TMEM72: variants seen among roughly 807,000 people sequenced by gnomAD.
The protein encoded by TMEM72 is kidney-specific secretory protein of 37 kDa.
In TMEM72, 9 loss-of-function variants were observed where a neutral mutation model predicts 16.3. The observed-to-expected ratio is 0.55, with a 90% CI of 0.33 to 0.96. TMEM72 has a LOEUF of 0.96. Ranked by LOEUF, TMEM72 falls within the 40% of genes least tolerant of loss-of-function variation. The probability of loss-of-function intolerance (pLI) is 0.03; values close to 1 mark genes in which losing one functional copy is unlikely to be tolerated. For synonymous variants in TMEM72, 160 were observed against 146.5 expected (o/e 1.09, Z -0.66); for missense variants, 324 against 337.8 (o/e 0.96, Z 0.32).
intron 1 of TMEM72, among the ~76,000 whole-genome samples, chr10:44,911,980 C>G (rs1030817209): frequency 9.2e-5 from 14 of 152,216 alleles, no homozygotes; most frequent in African/African-American, 3.1e-4. Context: ...CTGAGCTCAT[C>G]CTGCTTTACT....
intron 1 of TMEM72, among the ~76,000 whole-genome samples, chr10:44,917,384 A>T (rs1840028627): frequency 6.6e-6 from 1 of 152,178 alleles, no homozygotes; most frequent in South Asian, 2.1e-4. Context: ...CGAGGAAAGG[A>T]GCAAAGCAGT....
chr10:44,934,077 G>A (rs904120686), intron 4 of TMEM72, among the ~76,000 whole-genome samples: 2 of 152,176 alleles, frequency 1.3e-5, no homozygotes, highest in African/African-American at 4.8e-5. Context: ...AGCTTCCCAA[G>A]GGTGTGACAT....
At chr10:44,927,186 C>T (rs888884461) in intron 1 of TMEM72, among the ~76,000 whole-genome samples, 1 of 152,154 alleles carries the variant, frequency 6.6e-6, no homozygotes, top group Non-Finnish European at 1.5e-5. Flanking sequence ...ACTGCCCCTG[C>T]AATGTTTCTA....
intron 1 of TMEM72, among the ~76,000 whole-genome samples, chr10:44,911,784 G>T (rs1274799070): frequency 1.3e-5 from 2 of 152,200 alleles, no homozygotes; most frequent in East Asian, 3.9e-4. Context: ...GGACCAGAGG[G>T]CTGGGTGCTG....
Position 44,935,118 on chromosome 10 carries a change from C to G in TMEM72, c.812C>G (p.Ala271Gly). 6.3e-7 allele frequency: 1 copy of G among 1,599,242 alleles called. No homozygotes were observed. Among genetic ancestry groups the G allele is most frequent in the Non-Finnish European group, 8.5e-7 (1 of 1,172,578 alleles). The change falls in exon 5 of 5, where the codon GCC (alanine) becomes GGC (glycine). Residue 271 changes from alanine (A) to glycine (G), a missense_variant. Physicochemically the swap from Ala to Gly is moderately conservative, Grantham distance 60. Coordinates refer to ENST00000389583, the MANE Select transcript of TMEM72 (RefSeq NM_001123376.3). Reference sequence around the variant, plus strand: ...CCACTCTTCCTGTCATCTCTTACAGCCACCGGCCTGTTCTGAGCGCTTGCT... The same window carrying G: ...CCACTCTTCCTGTCATCTCTTACAGGCACCGGCCTGTTCTGAGCGCTTGCT... ...QAPLFLSSLT[A>G]TGLF is the part of the protein sequence containing the mutation.
intron 3 of TMEM72, 92 bp from the exon 4 acceptor site, chr10:44,933,545 C>A: frequency 6.6e-7 from 1 of 1,511,116 alleles, no homozygotes; most frequent in Non-Finnish European, 8.9e-7. Flanking sequence ...CAGAGCATGC[C>A]CACAGCAGGG....
intron 1 of TMEM72, among the ~76,000 whole-genome samples, chr10:44,918,617 T>G (rs1196121195): frequency 6.6e-6 from 1 of 152,208 alleles, no homozygotes; most frequent in Non-Finnish European, 1.5e-5. Flanking sequence ...GAATGATATA[T>G]CATAATCAAG....
chr10:44,911,497 C>T lies in TMEM72; in HGVS notation c.-16C>T, dbSNP rs1255728534. The stretch of plus-strand genomic sequence containing the variant: ...GCTGCCTGCCCTGCCAGGACTTTGT[C>T]CTCACCCCTGGCACCATGCAGCTCC... On this transcript the variant is annotated 5_prime_UTR_variant, in exon 1 of 5. Transcript: ENST00000389583. 3 of 1,550,090 alleles carry T rather than the reference C, an allele frequency of 1.9e-6. No homozygotes were observed. Among genetic ancestry groups the T allele is most frequent in the East Asian group, 4.9e-5 (2 of 40,946 alleles).
Position 44,927,960 on chromosome 10 carries a change from A to G in TMEM72, c.110A>G (p.Gln37Arg). The G allele has an allele frequency of 6.2e-7, 1 of 1,613,902 alleles. No homozygotes were observed. The highest frequency in any genetic ancestry group is 2.2e-5 in the East Asian group (1 of 44,876). Residue 37 changes from glutamine (Q) to arginine (R), a missense_variant, in exon 2 of 5, where the codon CAG becomes CGG. Gln to Arg is a conservative substitution (Grantham distance 43, BLOSUM62 1). Transcript: ENST00000389583. ...GVGTETFLQGQFKSLAFYLLF... is the reference protein window; with the variant it reads ...GVGTETFLQGRFKSLAFYLLF... ...GGCACTGAGACCTTCCTCCAGGGCC[A>G]GTTCAAAAGCCTGGCTTTCTATCTG...
Position 44,935,244 on chromosome 10 carries a change from C to A in TMEM72, c.*110C>A. 6.3e-6 allele frequency: 7 copies of A among 1,113,778 alleles called. No individual in the cohort carries two copies. The highest frequency in any genetic ancestry group is 2.9e-5 in the Admixed American group (1 of 34,568). The allele number at this position is 1,113,778 out of a possible 1,614,324, so 69.0% of individuals were successfully genotyped here. On this transcript the variant is annotated 3_prime_UTR_variant, in exon 5 of 5. Transcript: ENST00000389583. ...CAGCTTTTCAAGGGGTAACCAGACA[C>A]CCCCACACTGGCTGGGCCCCTGAGG...
chr10:44,932,155 G>T, intron 3 of TMEM72, 86 bp downstream of exon 3: 2 of 1,466,620 alleles, frequency 1.4e-6, no homozygotes, highest in Non-Finnish European at 9.3e-7. Context: ...CACAACCAGG[G>T]GATGTCCTGC....
At chr10:44,914,584 C>T (rs1056430417) in intron 1 of TMEM72, among the ~76,000 whole-genome samples, 2 of 152,294 alleles carry the variant, frequency 1.3e-5, no homozygotes, top group South Asian at 4.1e-4. Context: ...GTGCGGATGC[C>T]GGAGCTCCTG....
At chr10:44,928,287 A>G (rs1189018426) in intron 2 of TMEM72, among the ~76,000 whole-genome samples, 9 of 146,640 alleles carry the variant, frequency 6.1e-5, no homozygotes, top group Non-Finnish European at 1.2e-4. Context: ...CTCACCCACC[A>G]ATCTATTCAT....
chr10:44,919,380 T>C (rs1203896351), intron 1 of TMEM72, among the ~76,000 whole-genome samples: 1 of 152,188 alleles, frequency 6.6e-6, no homozygotes, highest in African/African-American at 2.4e-5. Flanking sequence ...TTATCATCTG[T>C]AGAAAATCTA....
At chr10:44,924,528 C>T (rs1015454091) in intron 1 of TMEM72, among the ~76,000 whole-genome samples, 2 of 152,224 alleles carry the variant, frequency 1.3e-5, no homozygotes, top group African/African-American at 4.8e-5. Context: ...AGGAGCCGCC[C>T]CCCAAGGAGG....
Position 44,915,329 on chromosome 10 carries a change from G to A in TMEM72, c.70+3747G>A, listed in dbSNP as rs958857472. On this transcript the variant is annotated intron_variant, in intron 1 of 4. Transcript: ENST00000389583. ...ACTCAAAGCCCAAGCTTTGCACTGT[G>A]TATTTTAAATGCAGTATCGCATTTC... Among the ~76,000 whole-genome samples, 14 of 151,632 alleles carry A rather than the reference G, an allele frequency of 9.2e-5. 1 individual carries two copies. Among genetic ancestry groups the A allele is most frequent in the African/African-American group, 3.4e-4 (14 of 40,942 alleles).
At chr10:44,928,797 TCTATCCATCCATCCATCCACCCAC>T (rs1486478666) in intron 2 of TMEM72, among the ~76,000 whole-genome samples, 1 of 142,736 alleles carries the variant, frequency 7.0e-6, no homozygotes, top group Non-Finnish European at 1.5e-5. Context: ...CATCCATACA[TCTATCCATCCATCCATCCACCCAC>T]CTATCCATCC....
chr10:44,923,734 C>G (rs564203842), intron 1 of TMEM72, among the ~76,000 whole-genome samples: 9 of 152,228 alleles, frequency 5.9e-5, no homozygotes, highest in African/African-American at 1.7e-4. Context: ...CCTCTGCCCC[C>G]CTACTGCCCA....
intron 1 of TMEM72, among the ~76,000 whole-genome samples, chr10:44,925,970 T>A (rs1840181214): frequency 6.6e-6 from 1 of 151,016 alleles, no homozygotes; most frequent in Non-Finnish European, 1.5e-5. Context: ...CACACATATA[T>A]GCACATATAT....
Sources: gnomAD v4.1 joint callset for allele counts (sites outside exome capture counted in the v4.1 genomes callset) on GRCh38, gnomAD v4.1.1 for gene constraint, MANE v1.5 for transcripts, NCBI Gene and HGNC (gene_info 2026-07-23, HGNC 2026-07-21) for gene names.